C1S: variants seen among roughly 807,000 people sequenced by gnomAD.
C1S encodes the protein complement C1s.
C1S carries 31 observed loss-of-function variants against 54.0 expected under a neutral mutation model. That is an observed-to-expected ratio of 0.57 (90% CI 0.43 to 0.78). The LOEUF (loss-of-function observed/expected upper bound fraction) is 0.78, where lower values mean the gene tolerates loss of function less well. C1S is among the 30% of genes least tolerant of loss of function. C1S has a pLI of 0.00. For missense variants in C1S, 727 were observed against 851.8 expected (o/e 0.85, Z 1.82); for synonymous variants, 292 against 303.6 (o/e 0.96, Z 0.40).
In C1S at chr12:7,065,784, C is replaced by T. The variant is rs782786053; in HGVS notation, c.718-33C>T. 7.5e-6 allele frequency: 12 copies of T among 1,605,772 alleles called. No individual in the cohort carries two copies. The South Asian group carries it at 8.8e-5, about 12-fold the overall frequency. On this transcript the variant is annotated intron_variant, in intron 6 of 11. Coordinates refer to ENST00000360817, the MANE Select transcript of C1S (RefSeq NM_001734.5). ...CCAATTTTACCTCTTCCCTTTAGTT[C>T]TTTCCCTCTTCTGATTTCATCATTT...
chr12:7,065,823 G>A lies in C1S; in HGVS notation c.724G>A (p.Ala242Thr). Residue 242 changes from alanine to threonine, a missense_variant, in exon 7 of 12, where the codon GCA becomes ACA. Ala to Thr is a moderately conservative substitution (Grantham distance 58, BLOSUM62 0). Coordinates refer to ENST00000360817, the MANE Select transcript of C1S (RefSeq NM_001734.5). ...GNCLDSLVFVAGDRQFGPYCG... is the reference protein window; with the variant it reads ...GNCLDSLVFVTGDRQFGPYCG... ...ATTTCATCATTTTGTTCAGTTTGTT[G>A]CAGGAGATCGGCAATTTGGTCCTTA... 1 of 1,612,288 alleles carries A rather than the reference G, an allele frequency of 6.2e-7. No individual in the cohort carries two copies. The highest frequency in any genetic ancestry group is 8.5e-7 in the Non-Finnish European group (1 of 1,179,724).
intron 4 of C1S, 126 bp downstream of exon 4, chr12:7,063,193 T>A (rs902353721): frequency 1.1e-6 from 1 of 889,784 alleles, no homozygotes; most frequent in Non-Finnish European, 1.8e-6. Context: ...TGACTTGGCC[T>A]GGGTCGCTCC....
rs2135730060 is a variant in C1S, at chr12:7,070,159, T to A, written c.1575T>A (p.Asn525Lys). Residue 525 changes from asparagine to lysine, a missense_variant, in exon 12 of 12, where the codon AAT (asparagine) becomes AAA (lysine). Asn to Lys is a moderately conservative substitution (Grantham distance 94). Around this residue, in one of 3 missense-constraint regions of C1S, gnomAD observed 360 missense variants for 453.6 expected, o/e 0.79. Transcript: ENST00000360817. The surrounding 1 kb of genome is among the most constrained non-coding windows in gnomAD (Gnocchi z 4.9). ...TGGAAGTCCCAGAAGGACGAACCAA[T>A]TTTGATAATGACATTGCACTGGTGC... is the stretch of plus-strand genomic sequence containing the variant. The part of the protein sequence containing the change: ...KLLEVPEGRT[N>K]FDNDIALVRL... 6.2e-7 allele frequency: 1 copy of A among 1,614,226 alleles called. No homozygotes were observed. The highest frequency in any genetic ancestry group is 1.1e-5 in the South Asian group (1 of 91,078).
chr12:7,069,405 T>C lies in C1S; in HGVS notation c.1271-450T>C, dbSNP rs11064499. On this transcript the variant is annotated intron_variant, in intron 11 of 11. Coordinates refer to ENST00000360817, the MANE Select transcript of C1S (RefSeq NM_001734.5). ...GCAACTAGGACTCCAGTAAAGAAGGTGATTAAAGTTTGATCTGGGCATCTG... is the reference window on the plus strand; with the variant it reads ...GCAACTAGGACTCCAGTAAAGAAGGCGATTAAAGTTTGATCTGGGCATCTG... Among the ~76,000 whole-genome samples the C allele has an allele frequency of 5.0e-3, 759 of 152,266 alleles. 6 individuals are homozygous for C. The highest frequency in any genetic ancestry group is 0.017 in the African/African-American group (721 of 41,544).
chr12:7,062,287 G>T, intron 2 of C1S, 188 bp from the exon 3 acceptor site: 2 of 517,712 alleles, frequency 3.9e-6, no homozygotes, highest in Non-Finnish European at 3.3e-6. Context: ...AAAAAAAAAA[G>T]GGCTCTTGTC....
chr12:7,061,817 A>G (rs1947092063), intron 1 of C1S, 22 bp from the exon 2 acceptor site: 1 of 1,382,580 alleles, frequency 7.2e-7, no homozygotes, highest in Non-Finnish European at 1.0e-6. Flanking sequence ...AGACAAATAC[A>G]GCCAGGCCTG....
At chr12:7,062,853 C>A (rs368596729) in intron 3 of C1S, 37 bp from the exon 4 acceptor site, 2 of 1,605,172 alleles carry the variant, frequency 1.2e-6, no homozygotes, top group Non-Finnish European at 1.7e-6. Context: ...AAAATATTAC[C>A]CTTTCCTAGA....
chr12:7,064,138 G>A (rs1555161695), intron 4 of C1S, 129 bp from the exon 5 acceptor site: 1 of 921,106 alleles, frequency 1.1e-6, no homozygotes, highest in Non-Finnish European at 1.8e-6. Flanking sequence ...AGCCTGAAAT[G>A]TGATCCCTTG....
chr12:7,064,143 C>A (rs782271603), intron 4 of C1S, 124 bp from the exon 5 acceptor site: 2 of 946,928 alleles, frequency 2.1e-6, no homozygotes, highest in South Asian at 1.3e-5. Flanking sequence ...GAAATGTGAT[C>A]CCTTGACGGA....
At chr12:7,067,815 T>A (rs1350388344) in intron 10 of C1S, 44 bp downstream of exon 10, 1 of 1,586,200 alleles carries the variant, frequency 6.3e-7, no homozygotes, top group Non-Finnish European at 8.7e-7. Context: ...AGTGAGAAGG[T>A]GTTGGAGGGT....
chr12:7,061,537 G>A, intron 1 of C1S: 1 of 365,760 alleles, frequency 2.7e-6, no homozygotes, highest in Non-Finnish European at 5.3e-6. Context: ...CGCGGGGGTG[G>A]GGCTGGTGGA....
intron 4 of C1S, chr12:7,063,935 G>C: frequency 4.4e-6 from 2 of 459,674 alleles, no homozygotes; most frequent in Non-Finnish European, 8.7e-6. Context: ...AGGTAGAGGC[G>C]TGAGACTTGT....
Position 7,070,417 on chromosome 12 carries a change from T to C in C1S, c.1833T>C (p.Val611=). 1 of 1,614,164 alleles carries C rather than the reference T, an allele frequency of 6.2e-7. No individual in the cohort carries two copies. Among genetic ancestry groups the C allele is most frequent in the Admixed American group, 1.7e-5 (1 of 60,026 alleles). The change falls in exon 12 of 12, where the codon GTT becomes GTC. Residue 611 remains valine (V), a synonymous_variant. Transcript: ENST00000360817. This position sits in a 1 kb window ranked among gnomAD's most constrained non-coding sequence, Gnocchi z 4.9. ...CCACAGCAGATGCAGAGGCCTATGT[T>C]TTCACTCCTAACATGATCTGTGCTG... ...EKPTADAEAY[V]FTPNMICAGG...
At position 7,061,823 on chromosome 12, in the gene C1S, G is replaced by T; in HGVS notation, c.-74-16G>T. The T allele has an allele frequency of 6.9e-7, 1 of 1,443,128 alleles. No individual in the cohort carries two copies. Among genetic ancestry groups the T allele is most frequent in the Non-Finnish European group, 9.8e-7 (1 of 1,025,040 alleles). The allele number at this position is 1,443,128 out of a possible 1,614,324, so 89.4% of individuals were successfully genotyped here. A position where few individuals can be genotyped will look rare whatever the true frequency, so the allele number is the denominator to read the frequency against. ...GTGTTTGTCAGACAAATACAGCCAG[G>T]CCTGCCACCCCTTAGGCTCCAAAGT... On this transcript the variant is annotated splice_polypyrimidine_tract_variant and intron_variant, in intron 1 of 11. Transcript: ENST00000360817.
intron 11 of C1S, 29 bp from the exon 12 acceptor site, chr12:7,069,826 C>G (rs1255595327): frequency 6.3e-7 from 1 of 1,576,922 alleles, no homozygotes; most frequent in South Asian, 1.1e-5. Context: ...TTTCTTCCTC[C>G]TTCCCTGTGT....
intron 1 of C1S, chr12:7,061,611 A>G (rs967153839): frequency 1.2e-5 from 6 of 481,910 alleles, no homozygotes; most frequent in Non-Finnish European, 1.9e-5. Context: ...AAATTAGGAG[A>G]AAGTCTAGAG....
intron 1 of C1S, chr12:7,061,528 G>A (rs996824240): frequency 5.5e-6 from 2 of 360,670 alleles, no homozygotes; most frequent in African/African-American, 2.1e-5. Context: ...GACTGATACC[G>A]CGGGGGTGGG....
rs1263347641 is a variant in C1S at position 7,065,122 on chromosome 12, C to A, written c.540C>A (p.Phe180Leu). The change falls in exon 6 of 12, where the codon TTC (phenylalanine) becomes TTA (leucine). Residue 180 changes from phenylalanine (F) to leucine (L), a missense_variant. Coordinates refer to ENST00000360817, the MANE Select transcript of C1S (RefSeq NM_001734.5). ...TAGTTAATTGCAGTGGGGATGTATTCACTGCACTGATTGGGGAGATTGCAA... is the reference window on the plus strand; with the variant it reads ...TAGTTAATTGCAGTGGGGATGTATTAACTGCACTGATTGGGGAGATTGCAA... ...NCGVNCSGDV[F>L]TALIGEIASP... The A allele has an allele frequency of 6.2e-7, 1 of 1,613,880 alleles. No homozygotes were observed. Among genetic ancestry groups the A allele is most frequent in the East Asian group, 2.2e-5 (1 of 44,878 alleles).
At position 7,065,237 on chromosome 12, in the gene C1S, C is replaced by G. The variant is rs781816938; in HGVS notation, c.655C>G (p.Arg219Gly). The G allele has an allele frequency of 3.7e-6, 6 of 1,613,976 alleles. No homozygotes were observed. The highest frequency in any genetic ancestry group is 3.3e-4 in the Middle Eastern group (2 of 6,062). The change falls in exon 6 of 12, where the codon CGG (arginine) becomes GGG (glycine). Residue 219 changes from arginine to glycine, a missense_variant. Arg to Gly is a moderately radical substitution (Grantham distance 125, BLOSUM62 -2). Around this residue, in one of 3 missense-constraint regions of C1S, gnomAD observed 357 missense variants for 365.4 expected, o/e 0.98. Transcript: ENST00000360817. ...AGGGTTCCAAGTGGTGGTGACCTTG[C>G]GGAGAGAAGATTTTGATGTGGAAGC... ...EKGFQVVVTL[R>G]REDFDVEAAD...
Sources: allele counts gnomAD v4.1 joint callset (sites outside exome capture counted in the v4.1 genomes callset), GRCh38; gene constraint gnomAD v4.1.1; regional missense constraint gnomAD v4.1.1; non-coding constraint Gnocchi (gnomAD v3.1); transcripts MANE v1.5; gene names NCBI Gene and HGNC (gene_info 2026-07-23, HGNC 2026-07-21).